DNAH11: variants seen among roughly 807,000 people sequenced by gnomAD.
DNAH11 encodes axonemal beta dynein heavy chain 11.
DNAH11 carries 442 observed loss-of-function variants against 526.0 expected under a neutral mutation model. The ratio of observed to expected loss-of-function variants is 0.84; its 90% CI spans 0.78 to 0.91. The LOEUF (loss-of-function observed/expected upper bound fraction) is 0.91. Among genes scored for constraint, DNAH11 ranks in the 40% least tolerant of loss-of-function variants. The probability of loss-of-function intolerance (pLI) is 0.00; values close to 1 mark genes in which losing one functional copy is unlikely to be tolerated. For synonymous variants in DNAH11, 2,461 were observed against 1,935.9 expected, an observed-to-expected ratio of 1.27 and a Z score of -7.12; for missense variants, 6,989 against 5,448.7, an observed-to-expected ratio of 1.28 and a Z score of -8.90.
chr7:21,772,510 G>A (rs1034927773), intron 55 of DNAH11, among the ~76,000 whole-genome samples: 6 of 151,944 alleles, frequency 3.9e-5, no homozygotes, highest in Non-Finnish European at 5.9e-5. Flanking sequence ...TCAAGCTCTT[G>A]TAAAAATAAA....
At chr7:21,674,074 G>GT (rs1272084738) in intron 30 of DNAH11, among the ~76,000 whole-genome samples, 1 of 149,288 alleles carries the variant, frequency 6.7e-6, no homozygotes, top group Non-Finnish European at 1.5e-5. Flanking sequence ...GTTTTGTTTT[G>GT]TTTTTCATGG....
intron 1 of DNAH11, among the ~76,000 whole-genome samples, 176 bp from the exon 2 acceptor site, chr7:21,544,830 G>A (rs1583469022): frequency 6.6e-6 from 1 of 152,042 alleles, no homozygotes; most frequent in African/African-American, 2.4e-5. Flanking sequence ...AAAGAACAAA[G>A]AAAACTGTAT....
At position 21,555,256 on chromosome 7, in the gene DNAH11, T is replaced by C. The variant is rs759646435; in HGVS notation, c.496-3546T>C. 3.9e-5 allele frequency among the ~76,000 whole-genome samples: 6 copies of C among 152,234 alleles called. No homozygotes were observed. In the East Asian group the frequency reaches 7.7e-4, roughly 20 times the overall value. ...ACCAAAGGCTTACGAATGGGGTCTTTAGGCTAGATAAACAGCAACGCTTTA... is the reference window on the plus strand; with the variant it reads ...ACCAAAGGCTTACGAATGGGGTCTTCAGGCTAGATAAACAGCAACGCTTTA... On this transcript the variant is annotated intron_variant, in intron 2 of 81. Coordinates refer to ENST00000409508, the MANE Select transcript of DNAH11 (RefSeq NM_001277115.2).
At chr7:21,631,954 G>A (rs1328943303) in intron 25 of DNAH11, among the ~76,000 whole-genome samples, 6 of 152,214 alleles carry the variant, frequency 3.9e-5, no homozygotes, top group Admixed American at 2.0e-4. Flanking sequence ...CCATGAGGAC[G>A]CTGCCGCTGC....
intron 63 of DNAH11, among the ~76,000 whole-genome samples, chr7:21,811,339 C>T (rs1454074364): frequency 6.6e-6 from 1 of 151,826 alleles, no homozygotes; most frequent in Non-Finnish European, 1.5e-5. Flanking sequence ...GCCTGTAATC[C>T]AGGCTATTCA....
intron 2 of DNAH11, among the ~76,000 whole-genome samples, chr7:21,557,206 TCAGGGGTACTGGCTCTATTTC>T (rs1430300261): frequency 6.6e-6 from 1 of 152,174 alleles, no homozygotes; most frequent in Non-Finnish European, 1.5e-5. Flanking sequence ...GCCATTTCTC[TCAGGGGTACTGGCTCTATTTC>T]CAGGATGGTC....
At chr7:21,869,351 G>A (rs576680789) in intron 73 of DNAH11, among the ~76,000 whole-genome samples, 1 of 110,514 alleles carries the variant, frequency 9.0e-6, no homozygotes, top group South Asian at 2.6e-4. Flanking sequence ...CGTTAGAGTC[G>A]ACAGAACTCT....
At chr7:21,873,043 G>C (rs1205894794) in intron 73 of DNAH11, among the ~76,000 whole-genome samples, 2 of 151,132 alleles carry the variant, frequency 1.3e-5, no homozygotes, top group South Asian at 2.1e-4. Flanking sequence ...AAGACAGTCT[G>C]TGTTGATTGG....
At position 21,748,664 on chromosome 7, in the gene DNAH11, C is replaced by T. The variant is rs771755631; in HGVS notation, c.8595C>T (p.Ser2865=). Residue 2865 remains serine, a synonymous_variant, in exon 52 of 82, where the codon TCC becomes TCT. Coordinates refer to ENST00000409508, the MANE Select transcript of DNAH11 (RefSeq NM_001277115.2). ...GGGGCAGTGGCAAGCAGAGCTTGTC[C>T]AGGCTGGCAGCTTACCTTCGTGGCC... is the stretch of plus-strand genomic sequence containing the variant. The part of the protein sequence containing the change: ...GVGGSGKQSL[S]RLAAYLRGLE... 3 of 1,613,510 alleles carry T rather than the reference C, an allele frequency of 1.9e-6. No individual in the cohort carries two copies. Among genetic ancestry groups the T allele is most frequent in the African/African-American group, 2.7e-5 (2 of 74,912 alleles).
chr7:21,549,417 A>T (rs1415032794), intron 2 of DNAH11, among the ~76,000 whole-genome samples: 1 of 151,334 alleles, frequency 6.6e-6, no homozygotes, highest in Non-Finnish European at 1.5e-5. Context: ...TACCTTAATT[A>T]TTTTTACCCT....
intron 6 of DNAH11, among the ~76,000 whole-genome samples, chr7:21,569,747 T>C (rs1385207502): frequency 6.6e-6 from 1 of 152,218 alleles, no homozygotes; most frequent in East Asian, 1.9e-4. Context: ...AGAAAACGAT[T>C]GTTCAGAATA....
intron 30 of DNAH11, among the ~76,000 whole-genome samples, chr7:21,676,190 T>C (rs959393875): frequency 6.6e-6 from 1 of 152,198 alleles, no homozygotes; most frequent in Admixed American, 6.5e-5. Flanking sequence ...CATGCTGTAC[T>C]TGCACTCTAA....
intron 56 of DNAH11, among the ~76,000 whole-genome samples, chr7:21,776,311 T>C (rs1787670744): frequency 6.6e-6 from 1 of 152,222 alleles, no homozygotes; most frequent in Admixed American, 6.5e-5. Context: ...ATGCTCTTAC[T>C]ATCAAAAAAG....
chr7:21,620,181 T>C, intron 25 of DNAH11, 103 bp downstream of exon 25: 2 of 1,032,912 alleles, frequency 1.9e-6, no homozygotes, highest in South Asian at 4.2e-5. Context: ...ATGTTTACAA[T>C]GTGGAAAGAT....
At position 21,737,856 on chromosome 7, in the gene DNAH11, G is replaced by A. The variant is rs143443281; in HGVS notation, c.7646-845G>A. 4.0e-3 allele frequency among the ~76,000 whole-genome samples: 613 copies of A among 152,284 alleles called. 1 individual carries two copies. Among genetic ancestry groups the A allele is most frequent in the Non-Finnish European group, 5.5e-3 (376 of 68,022 alleles). ...GCAGATTTAGTGTTGGCTGAACGTT[G>A]GATGGTAATGGCTAGTAAGAATTAA... is the stretch of plus-strand genomic sequence containing the variant. On this transcript the variant is annotated intron_variant, in intron 46 of 81. Coordinates refer to ENST00000409508, the MANE Select transcript of DNAH11 (RefSeq NM_001277115.2).
intron 36 of DNAH11, 59 bp from the exon 37 acceptor site, chr7:21,702,651 G>A: frequency 6.8e-7 from 1 of 1,460,012 alleles, no homozygotes; most frequent in South Asian, 1.2e-5. Context: ...CTTACCTCTG[G>A]AATGAGAATC....
rs537307042 is a variant in DNAH11 at position 21,605,933 on chromosome 7, A to T, written c.3649-493A>T. Among the ~76,000 whole-genome samples, 4 of 152,316 alleles carry T rather than the reference A, an allele frequency of 2.6e-5. No individual in the cohort carries two copies. In the East Asian group the frequency reaches 7.7e-4, roughly 29 times the overall value. On this transcript the variant is annotated intron_variant, in intron 18 of 81. Coordinates refer to ENST00000409508, the MANE Select transcript of DNAH11 (RefSeq NM_001277115.2). ...CAGCAGTGCCAGTGAATCAGCCTGT[A>T]CTTCAGCCTTGGTTCTAAGCCTTTT...
At position 21,792,440 on chromosome 7, in the gene DNAH11, C is replaced by T. The variant is rs569420930; in HGVS notation, c.10026+3098C>T. 4.6e-5 allele frequency among the ~76,000 whole-genome samples: 7 copies of T among 152,030 alleles called. No individual in the cohort carries two copies. In the South Asian group the frequency reaches 1.5e-3, roughly 32 times the overall value. ...TCATCAAATGAGTGTGGAAGTATTCCCTCTTCAATTTTTTGAAAAAGTTTG... is the reference window on the plus strand; with the variant it reads ...TCATCAAATGAGTGTGGAAGTATTCTCTCTTCAATTTTTTGAAAAAGTTTG... On this transcript the variant is annotated intron_variant, in intron 61 of 81. Transcript: ENST00000409508.
At chr7:21,832,552 T>C (rs939247397) in intron 65 of DNAH11, among the ~76,000 whole-genome samples, 2 of 152,196 alleles carry the variant, frequency 1.3e-5, no homozygotes, top group Admixed American at 6.5e-5. Context: ...CTTGACTCTT[T>C]ATCCAATTTG....
Sources: allele counts gnomAD v4.1 joint callset (sites outside exome capture counted in the v4.1 genomes callset), GRCh38; gene constraint gnomAD v4.1.1; transcripts MANE v1.5; gene names NCBI Gene and HGNC (gene_info 2026-07-23, HGNC 2026-07-21).